Variants in PCDH9 observed in about 807,000 individuals in gnomAD.
PCDH9 encodes the protein protocadherin 9.
A neutral mutation model predicts 70.6 loss-of-function variants in PCDH9; 24 were observed. The ratio of observed to expected loss-of-function variants is 0.34; its 90% CI spans 0.25 to 0.48. The LOEUF (loss-of-function observed/expected upper bound fraction) is 0.48. PCDH9 is among the 20% of genes least tolerant of loss of function. The pLI, the probability that PCDH9 is intolerant of heterozygous loss-of-function variation, is 0.99. For synonymous variants in PCDH9, 562 were observed against 558.5 expected, an observed-to-expected ratio of 1.01 and a Z score of -0.09; for missense variants, 1,281 against 1,503.6, an observed-to-expected ratio of 0.85 and a Z score of 2.45.
At chr13:66,441,533 A>G (rs1430810217) in intron 4 of PCDH9, among the ~76,000 whole-genome samples, 2 of 152,154 alleles carry the variant, frequency 1.3e-5, no homozygotes, top group African/African-American at 4.8e-5. Context: ...TTCTTAAATC[A>G]TTGTAAAAGG....
intron 4 of PCDH9, among the ~76,000 whole-genome samples, chr13:66,439,140 T>C (rs756087424): frequency 3.3e-5 from 5 of 152,220 alleles, no homozygotes; most frequent in African/African-American, 1.2e-4. Flanking sequence ...TCCCTTCATC[T>C]TTGTTAACAC....
At chr13:66,463,074 A>C (rs998941205) in intron 4 of PCDH9, among the ~76,000 whole-genome samples, 9 of 151,816 alleles carry the variant, frequency 5.9e-5, no homozygotes, top group Admixed American at 2.6e-4. Flanking sequence ...ATATATATAC[A>C]TGATGCAAAC....
At chr13:66,775,673 AC>A (rs1235391515) in intron 3 of PCDH9, among the ~76,000 whole-genome samples, 4 of 152,230 alleles carry the variant, frequency 2.6e-5, no homozygotes, top group Non-Finnish European at 4.4e-5. Context: ...TATCTAGCTT[AC>A]TTTATATTGT....
intron 2 of PCDH9, among the ~76,000 whole-genome samples, chr13:67,158,281 A>G (rs932154323): frequency 3.3e-5 from 5 of 152,230 alleles, no homozygotes; most frequent in Non-Finnish European, 7.3e-5. Context: ...GATTTCATAT[A>G]TCCATTGCTT....
intron 2 of PCDH9, among the ~76,000 whole-genome samples, chr13:67,024,525 T>C (rs1178140728): frequency 6.6e-6 from 1 of 152,136 alleles, no homozygotes; most frequent in Non-Finnish European, 1.5e-5. Context: ...TTACTATAAT[T>C]TATGCTGTTG....
chr13:66,610,389 G>A (rs775615011), intron 4 of PCDH9, among the ~76,000 whole-genome samples: 16 of 151,986 alleles, frequency 1.1e-4, no homozygotes, highest in Middle Eastern at 3.4e-3. Flanking sequence ...GTGTTCCTAG[G>A]GCCCTGCAGA....
chr13:66,553,614 G>T (rs1026318943), intron 4 of PCDH9, among the ~76,000 whole-genome samples: 2 of 152,108 alleles, frequency 1.3e-5, no homozygotes, highest in Admixed American at 1.3e-4. Context: ...CAACAGAAAT[G>T]TGATTTGAGT....
At chr13:66,936,941 A>G (rs2082925060) in intron 2 of PCDH9, among the ~76,000 whole-genome samples, 2 of 152,236 alleles carry the variant, frequency 1.3e-5, no homozygotes, top group Admixed American at 1.3e-4. Context: ...TATATAAGCT[A>G]CTTCATAAAA....
intron 2 of PCDH9, among the ~76,000 whole-genome samples, chr13:66,922,147 C>T (rs2082646601): frequency 6.6e-6 from 1 of 151,258 alleles, no homozygotes; most frequent in Non-Finnish European, 1.5e-5. Flanking sequence ...CTAACTGAAA[C>T]TAGTAGTCAA....
At chr13:66,585,914 C>G (rs1014739607) in intron 4 of PCDH9, among the ~76,000 whole-genome samples, 1 of 152,092 alleles carries the variant, frequency 6.6e-6, no homozygotes, top group Middle Eastern at 3.2e-3. Flanking sequence ...GTGGTCAACC[C>G]TCTGCATTTC....
chr13:66,635,471 T>A (rs1487588876), intron 3 of PCDH9, among the ~76,000 whole-genome samples: 3 of 152,178 alleles, frequency 2.0e-5, no homozygotes, highest in Non-Finnish European at 4.4e-5. Flanking sequence ...AATAGTGCCA[T>A]GTGTTCACAC....
intron 2 of PCDH9, among the ~76,000 whole-genome samples, chr13:67,159,909 T>A (rs1172873606): frequency 6.8e-6 from 1 of 146,434 alleles, no homozygotes; most frequent in East Asian, 1.9e-4. Context: ...TTCTTTTTTC[T>A]TTCTATTATT....
intron 2 of PCDH9, among the ~76,000 whole-genome samples, chr13:67,007,894 C>G (rs902621709): frequency 6.6e-6 from 1 of 152,116 alleles, no homozygotes; most frequent in African/African-American, 2.4e-5. Flanking sequence ...GTGAAAATAT[C>G]TCACTACTTT....
intron 3 of PCDH9, among the ~76,000 whole-genome samples, chr13:66,881,672 T>C (rs961008025): frequency 3.9e-5 from 6 of 152,182 alleles, no homozygotes; most frequent in Admixed American, 2.0e-4. Flanking sequence ...TTACAATGGG[T>C]TATTTTACAA....
chr13:66,779,744 C>G (rs9599144), intron 3 of PCDH9, among the ~76,000 whole-genome samples: 1 of 150,758 alleles, frequency 6.6e-6, no homozygotes, highest in African/African-American at 2.4e-5. Context: ...TCACTTGAAC[C>G]TGGGAGGCGG....
chr13:66,730,887 G>GTTTTTTTTTTTTTTTTTTTTT (rs1303010293), intron 3 of PCDH9, among the ~76,000 whole-genome samples: 1 of 60,770 alleles, frequency 1.6e-5, no homozygotes, highest in African/African-American at 6.2e-5. Context: ...TTTTTTTTTT[G>GTTTTTTTTTTTTTTTTTTTTT]TTTGTTTCTT....
At chr13:66,988,809 G>C (rs2083944503) in intron 2 of PCDH9, among the ~76,000 whole-genome samples, 1 of 151,914 alleles carries the variant, frequency 6.6e-6, no homozygotes, top group Admixed American at 6.6e-5. Flanking sequence ...TTCATAGGTA[G>C]TGCAATGGTG....
At chr13:66,519,908 T>C (rs925665053) in intron 4 of PCDH9, among the ~76,000 whole-genome samples, 2 of 152,172 alleles carry the variant, frequency 1.3e-5, no homozygotes, top group Non-Finnish European at 1.5e-5. Context: ...AATCTACACT[T>C]TTATATTTTA....
intron 2 of PCDH9, among the ~76,000 whole-genome samples, chr13:66,954,291 A>G (rs1452311516): frequency 6.6e-6 from 1 of 152,210 alleles, no homozygotes; most frequent in Non-Finnish European, 1.5e-5. Flanking sequence ...TATTGTACTT[A>G]TATAATCTCA....
Sources: allele counts gnomAD v4.1 joint callset (sites outside exome capture counted in the v4.1 genomes callset), GRCh38; gene constraint gnomAD v4.1.1; transcripts MANE v1.5; gene names NCBI Gene and HGNC (gene_info 2026-07-23, HGNC 2026-07-21).